The following PRKAG2 variants were observed in gnomAD, a reference collection of about 807,000 sequenced individuals.
The protein encoded by PRKAG2 is protein kinase AMP-activated non-catalytic subunit gamma 2.
PRKAG2 carries 26 observed loss-of-function variants against 69.6 expected under a neutral mutation model. That is an observed-to-expected ratio of 0.37 (90% CI 0.27 to 0.52). The LOEUF (loss-of-function observed/expected upper bound fraction) is 0.52, where lower values mean the gene tolerates loss of function less well. PRKAG2 is among the 20% of genes least tolerant of loss of function. PRKAG2 has a pLI of 0.90. For missense variants in PRKAG2, 557 were observed against 740.0 expected (o/e 0.75, Z 2.87); for synonymous variants, 293 against 285.0 (o/e 1.03, Z -0.28).
intron 3 of PRKAG2, among the ~76,000 whole-genome samples, chr7:151,773,179 AAGG>A (rs2076167501): frequency 2.0e-5 from 3 of 149,196 alleles, no homozygotes; most frequent in African/African-American, 7.5e-5. Context: ...GGAAGGAAGG[AAGG>A]AAGGAAAGAA....
chr7:151,791,200 C>T (rs2077260816), intron 1 of PRKAG2, among the ~76,000 whole-genome samples: 1 of 152,222 alleles, frequency 6.6e-6, no homozygotes, highest in African/African-American at 2.4e-5. Context: ...TGGCTCTCAT[C>T]TCCAGAGCTC....
At chr7:151,827,745 TAA>T (rs55685618) in intron 1 of PRKAG2, among the ~76,000 whole-genome samples, 857 of 52,152 alleles carry the variant, frequency 0.016, 5 homozygotes, top group Admixed American at 0.023. Flanking sequence ...TGGCCTTAGG[TAA>T]AAAAAAAAAA....
intron 5 of PRKAG2, among the ~76,000 whole-genome samples, chr7:151,625,416 A>AC (rs1822595166): frequency 6.6e-6 from 1 of 152,018 alleles, no homozygotes; most frequent in Non-Finnish European, 1.5e-5. Flanking sequence ...GAGGGAGGAG[A>AC]AGGGGGCAAG....
intron 14 of PRKAG2, among the ~76,000 whole-genome samples, chr7:151,562,827 C>T (rs1038277832): frequency 6.9e-5 from 7 of 100,898 alleles, no homozygotes; most frequent in South Asian, 5.9e-4. Flanking sequence ...ATTAGGCGGG[C>T]GCCTGTAGTC....
intron 3 of PRKAG2, among the ~76,000 whole-genome samples, chr7:151,689,923 G>A (rs533843230): frequency 4.3e-4 from 65 of 152,304 alleles, no homozygotes; most frequent in African/African-American, 1.4e-3. Flanking sequence ...GGCAGGGATC[G>A]TGAGCTCTAG....
chr7:151,708,668 T>C (rs1275226349), intron 3 of PRKAG2, among the ~76,000 whole-genome samples: 2 of 152,154 alleles, frequency 1.3e-5, no homozygotes, highest in African/African-American at 4.8e-5. Context: ...GTGTTAGCCA[T>C]GTAATGTGGG....
chr7:151,582,604 G>C (rs577528648), intron 6 of PRKAG2, among the ~76,000 whole-genome samples: 2 of 152,316 alleles, frequency 1.3e-5, no homozygotes, highest in South Asian at 4.1e-4. Context: ...GAATTAAGAG[G>C]CCATCCCACT....
chr7:151,675,011 A>T (rs923114657), intron 4 of PRKAG2: 1 of 336,080 alleles, frequency 3.0e-6, no homozygotes, highest in Non-Finnish European at 5.8e-6. Flanking sequence ...AGTGTCTGCC[A>T]TCTAGGTTTA....
At position 151,850,634 on chromosome 7, in the gene PRKAG2, G is replaced by T. The variant is rs935560331; in HGVS notation, c.114+25873C>A. 6.6e-6 allele frequency among the ~76,000 whole-genome samples: 1 copy of T among 152,120 alleles called. No individual in the cohort carries two copies. Among genetic ancestry groups the T allele is most frequent in the African/African-American group, 2.4e-5 (1 of 41,420 alleles). The stretch of plus-strand genomic sequence containing the variant: ...ATCCTCAAGTTCTACACTCCTTCCC[G>T]CCTGCCCCACCTCCATCGTCCTGTG... On this transcript the variant is annotated intron_variant, in intron 1 of 15. Coordinates refer to ENST00000287878, the MANE Select transcript of PRKAG2 (RefSeq NM_016203.4). The surrounding 1 kb of genome is among the most constrained non-coding windows in gnomAD (Gnocchi z 4.1).
intron 1 of PRKAG2, among the ~76,000 whole-genome samples, chr7:151,871,849 G>C (rs775151810): frequency 6.6e-5 from 10 of 152,196 alleles, no homozygotes; most frequent in Non-Finnish European, 1.3e-4. Context: ...ATATGGGCTG[G>C]AGGCTGAGGT....
chr7:151,875,461 TCGGGAAGGATTAGCTTTAATGAGGGGTC>T (rs2080365229), intron 1 of PRKAG2, among the ~76,000 whole-genome samples: 1 of 152,144 alleles, frequency 6.6e-6, no homozygotes, highest in Non-Finnish European at 1.5e-5. Flanking sequence ...CCTGACCCTG[TCGGGAAGGATTAGCTTTAATGAGGGGTC>T]CGGACAGCCC....
Position 151,557,876 on chromosome 7 carries a change from TA to T in PRKAG2, c.1679-645del, listed in dbSNP as rs754256312. Reference sequence around the variant, plus strand: ...GACAAGAGTGAAACTCCGTCTCAAATAAAAAAAAAAAAAACAAAAAAACAAA... The same window carrying T: ...GACAAGAGTGAAACTCCGTCTCAAATAAAAAAAAAAAAACAAAAAAACAAA... On this transcript the variant is annotated intron_variant, in intron 15 of 15. Coordinates refer to ENST00000287878, the MANE Select transcript of PRKAG2 (RefSeq NM_016203.4). The T allele has an allele frequency of 9.5e-3, 7,501 of 790,474 alleles. 3 individuals carry two copies. The highest frequency in any genetic ancestry group is 0.017 in the Middle Eastern group (26 of 1,538). 49.0% of individuals were successfully genotyped at this position (790,474 alleles called of 1,614,324 possible). A position where few individuals can be genotyped will look rare whatever the true frequency, so the allele number is the denominator to read the frequency against.
At chr7:151,870,778 G>A (rs1018195624) in intron 1 of PRKAG2, among the ~76,000 whole-genome samples, 4 of 152,226 alleles carry the variant, frequency 2.6e-5, no homozygotes, top group South Asian at 2.1e-4. Flanking sequence ...TTCTCGCAGC[G>A]CGGGGCTTCC....
At chr7:151,611,234 G>C (rs1818761482) in intron 5 of PRKAG2, among the ~76,000 whole-genome samples, 2 of 152,216 alleles carry the variant, frequency 1.3e-5, no homozygotes, top group Non-Finnish European at 2.9e-5. Flanking sequence ...CACACACAGA[G>C]AGCAGCGGAG....
chr7:151,668,773 C>T (rs948194518), intron 4 of PRKAG2, among the ~76,000 whole-genome samples: 7 of 152,212 alleles, frequency 4.6e-5, no homozygotes, highest in African/African-American at 1.2e-4. Context: ...TCAGCTTCTT[C>T]TTCCTTTCTC....
At position 151,773,048 on chromosome 7, in the gene PRKAG2, AGAGAGGGAGGGAGGGAGG is replaced by A. The variant is rs2076138872; in HGVS notation, c.466+8086_466+8103del. On this transcript the variant is annotated intron_variant, in intron 3 of 15. Coordinates refer to ENST00000287878, the MANE Select transcript of PRKAG2 (RefSeq NM_016203.4). ...AAGAGAGAGAGAGAGAGAGAGAGAG[AGAGAGGGAGGGAGGGAGG>A]GAGGGAGGGAGGGAGGGAGGGAGGG... Among the ~76,000 whole-genome samples the A allele has an allele frequency of 2.9e-4, 10 of 34,544 alleles. 1 individual carries two copies. Among genetic ancestry groups the A allele is most frequent in the East Asian group, 2.7e-3 (2 of 728 alleles). 22.7% of individuals were successfully genotyped at this position (34,544 alleles called of 152,430 possible). A position where few individuals can be genotyped will look rare whatever the true frequency, so the allele number is the denominator to read the frequency against.
intron 6 of PRKAG2, among the ~76,000 whole-genome samples, chr7:151,579,026 G>A (rs1241004912): frequency 1.3e-5 from 2 of 151,850 alleles, no homozygotes; most frequent in Non-Finnish European, 2.9e-5. Context: ...TATTTTTTTT[G>A]GAGACAGGGT....
chr7:151,857,743 T>C (rs1373294581), intron 1 of PRKAG2, among the ~76,000 whole-genome samples: 2 of 152,256 alleles, frequency 1.3e-5, no homozygotes. Context: ...TCGCTCTCTT[T>C]GTGGTCACTG....
At chr7:151,664,880 G>A (rs530542538) in intron 4 of PRKAG2, among the ~76,000 whole-genome samples, 1 of 152,268 alleles carries the variant, frequency 6.6e-6, no homozygotes, top group African/African-American at 2.4e-5. Flanking sequence ...ACCCTAAAGT[G>A]GCCATCGTCA....
Sources: allele counts gnomAD v4.1 joint callset (sites outside exome capture counted in the v4.1 genomes callset), GRCh38; gene constraint gnomAD v4.1.1; non-coding constraint Gnocchi (gnomAD v3.1); transcripts MANE v1.5; gene names NCBI Gene and HGNC (gene_info 2026-07-23, HGNC 2026-07-21).